Variants in EFNA5 observed in about 807,000 individuals in gnomAD.
The protein encoded by EFNA5 is ephrin-A5.
EFNA5 carries 5 observed loss-of-function variants against 22.9 expected under a neutral mutation model. The ratio of observed to expected loss-of-function variants is 0.22; its 90% CI spans 0.11 to 0.46. EFNA5 has a LOEUF of 0.46. Ranked by LOEUF, EFNA5 falls within the 20% of genes least tolerant of loss-of-function variation. The pLI is 0.99. For missense variants in EFNA5, 237 were observed against 293.3 expected, an observed-to-expected ratio of 0.81 and a Z score of 1.40; for synonymous variants, 113 against 112.2, an observed-to-expected ratio of 1.01 and a Z score of -0.04.
intron 2 of EFNA5, among the ~76,000 whole-genome samples, chr5:107,421,510 G>GT (rs1211584186): frequency 3.3e-5 from 5 of 152,154 alleles, no homozygotes; most frequent in African/African-American, 9.7e-5. Flanking sequence ...GGTTTCTGAA[G>GT]TTATCTGAGT....
chr5:107,631,997 C>A (rs550846264), intron 1 of EFNA5, among the ~76,000 whole-genome samples: 2 of 152,366 alleles, frequency 1.3e-5, no homozygotes, highest in South Asian at 4.1e-4. Context: ...CAGACAGATG[C>A]TGGCCACACT....
chr5:107,448,802 C>T (rs970238622), intron 1 of EFNA5, among the ~76,000 whole-genome samples: 23 of 150,316 alleles, frequency 1.5e-4, no homozygotes, highest in Non-Finnish European at 2.8e-4. Flanking sequence ...TGCACTCCAG[C>T]CTGGGTGACA....
At chr5:107,513,973 G>A (rs152555) in intron 1 of EFNA5, among the ~76,000 whole-genome samples, 133,374 of 152,210 alleles carry the variant, frequency 0.88, 58,732 homozygotes, top group African/African-American at 0.95. Flanking sequence ...TTTCCTGAAC[G>A]TCTGTGCTGA....
chr5:107,591,984 A>T lies in EFNA5; in HGVS notation c.125+78505T>A, dbSNP rs1446432957. On this transcript the variant is annotated intron_variant, in intron 1 of 4. Coordinates refer to ENST00000333274, the MANE Select transcript of EFNA5 (RefSeq NM_001962.3). The stretch of plus-strand genomic sequence containing the variant: ...ATATATATAATATATATAATATATA[A>T]TATATAATATATATAATATATAATA... 1.3e-4 allele frequency among the ~76,000 whole-genome samples: 3 copies of T among 22,942 alleles called. No individual in the cohort carries two copies. The South Asian group carries it at 2.1e-3, about 16-fold the overall frequency. The allele number at this position is 22,942 out of a possible 152,430, so 15.1% of individuals were successfully genotyped here.
intron 2 of EFNA5, among the ~76,000 whole-genome samples, chr5:107,401,174 T>C (rs1327479528): frequency 1.3e-5 from 2 of 152,216 alleles, no homozygotes; most frequent in African/African-American, 2.4e-5. Flanking sequence ...CCATTAGCCA[T>C]GATAGTAATA....
chr5:107,492,202 A>G (rs1746824102), intron 1 of EFNA5, among the ~76,000 whole-genome samples: 1 of 152,214 alleles, frequency 6.6e-6, no homozygotes, highest in African/African-American at 2.4e-5. Flanking sequence ...CCATGTTTAA[A>G]AAAAATTATT....
intron 1 of EFNA5, among the ~76,000 whole-genome samples, chr5:107,638,181 CA>C (rs963992195): frequency 2.6e-5 from 4 of 152,026 alleles, no homozygotes; most frequent in Admixed American, 6.6e-5. Flanking sequence ...TCCACTTTTG[CA>C]TTTCAACTAC....
chr5:107,522,977 G>A (rs1428403414), intron 1 of EFNA5, among the ~76,000 whole-genome samples: 3 of 152,188 alleles, frequency 2.0e-5, no homozygotes, highest in African/African-American at 7.2e-5. Flanking sequence ...TTCATCAAAT[G>A]TAAAGACTAT....
chr5:107,536,083 C>T (rs1002239771), intron 1 of EFNA5, among the ~76,000 whole-genome samples: 3 of 152,192 alleles, frequency 2.0e-5, no homozygotes, highest in African/African-American at 4.8e-5. Context: ...TTTATCACCA[C>T]GTACCTGACT....
chr5:107,383,533 C>T (rs1231728801), intron 4 of EFNA5, among the ~76,000 whole-genome samples: 3 of 152,126 alleles, frequency 2.0e-5, no homozygotes, highest in Non-Finnish European at 4.4e-5. Context: ...GTGAAATAAC[C>T]ACAAACCCTG....
chr5:107,640,976 G>GCAGATAGATAGA (rs1220449654), intron 1 of EFNA5, among the ~76,000 whole-genome samples: 51 of 145,564 alleles, frequency 3.5e-4, no homozygotes, highest in African/African-American at 1.3e-3. Flanking sequence ...AGGTAGGCAG[G>GCAGATAGATAGA]TAGATAGATA....
intron 1 of EFNA5, among the ~76,000 whole-genome samples, chr5:107,588,137 A>T (rs1749232714): frequency 1.3e-5 from 2 of 152,226 alleles, no homozygotes; most frequent in African/African-American, 2.4e-5. Context: ...CAAGAAGTTA[A>T]TCAAACCAAC....
intron 1 of EFNA5, among the ~76,000 whole-genome samples, chr5:107,554,521 T>G (rs1748366531): frequency 6.6e-6 from 1 of 152,096 alleles, no homozygotes; most frequent in Admixed American, 6.5e-5. Flanking sequence ...TAAGTAATGG[T>G]GAGGTTTCTC....
Position 107,482,135 on chromosome 5 carries a change from C to A in EFNA5, c.126-54626G>T, listed in dbSNP as rs1467404813. On this transcript the variant is annotated intron_variant, in intron 1 of 4. Coordinates refer to ENST00000333274, the MANE Select transcript of EFNA5 (RefSeq NM_001962.3). ...GACCAGCCTGGGCAACATAGGGAAA[C>A]CCTTACTAAAAATACAAAAAATTAG... 3.3e-5 allele frequency among the ~76,000 whole-genome samples: 5 copies of A among 151,820 alleles called. No homozygotes were observed. In the East Asian group the frequency reaches 7.8e-4, roughly 24 times the overall value.
chr5:107,418,238 G>A (rs1748557685), intron 2 of EFNA5, among the ~76,000 whole-genome samples: 1 of 152,136 alleles, frequency 6.6e-6, no homozygotes, highest in East Asian at 1.9e-4. Flanking sequence ...TATTCCAAGT[G>A]TCACTGGTGT....
intron 1 of EFNA5, among the ~76,000 whole-genome samples, chr5:107,501,871 G>T (rs1747144409): frequency 6.6e-6 from 1 of 152,158 alleles, no homozygotes; most frequent in Non-Finnish European, 1.5e-5. Context: ...AATAGAACTA[G>T]ATGAAAAAAG....
intron 1 of EFNA5, among the ~76,000 whole-genome samples, chr5:107,655,958 A>G (rs1198747226): frequency 6.6e-6 from 1 of 152,158 alleles, no homozygotes; most frequent in Non-Finnish European, 1.5e-5. Context: ...GAGCGTCAAG[A>G]GGTTAAACCC....
chr5:107,527,544 C>T (rs553023370), intron 1 of EFNA5, among the ~76,000 whole-genome samples: 25 of 152,202 alleles, frequency 1.6e-4, no homozygotes, highest in African/African-American at 4.8e-4. Context: ...CTCAGCCTCC[C>T]GAAGTGCTGA....
At chr5:107,633,819 GA>G (rs1191973449) in intron 1 of EFNA5, among the ~76,000 whole-genome samples, 2 of 152,036 alleles carry the variant, frequency 1.3e-5, no homozygotes, top group African/African-American at 4.8e-5. Context: ...ATTCACACTT[GA>G]AAAAACTAGC....
Sources: allele counts gnomAD v4.1 joint callset (sites outside exome capture counted in the v4.1 genomes callset), GRCh38; gene constraint gnomAD v4.1.1; transcripts MANE v1.5; gene names NCBI Gene and HGNC (gene_info 2026-07-23, HGNC 2026-07-21).